The following OVCH1 variants were observed in gnomAD, a reference collection of about 807,000 sequenced individuals.
OVCH1 encodes the protein ovochymase 1.
OVCH1 carries 139 observed loss-of-function variants against 138.4 expected under a neutral mutation model. The ratio of observed to expected loss-of-function variants is 1.00; its 90% CI spans 0.87 to 1.16. The LOEUF (loss-of-function observed/expected upper bound fraction) is 1.16. Among genes scored for constraint, OVCH1 ranks in the 50% most tolerant of loss-of-function variants. OVCH1 has a pLI of 0.00. For synonymous variants in OVCH1, 453 were observed against 467.8 expected, an observed-to-expected ratio of 0.97 and a Z score of 0.41; for missense variants, 1,367 against 1,357.9, an observed-to-expected ratio of 1.01 and a Z score of -0.11.
intron 8 of OVCH1, among the ~76,000 whole-genome samples, chr12:29,481,076 C>G (rs1942916427): frequency 6.6e-6 from 1 of 151,852 alleles, no homozygotes; most frequent in Admixed American, 6.6e-5. Context: ...GAATTTTCTG[C>G]TTGACATGTT....
chr12:29,445,350 G>A (rs377100698), exon 23 of OVCH1: 611 of 1,611,222 alleles, frequency 3.8e-4, no homozygotes, highest in Non-Finnish European at 4.6e-4. Context: ...ACCCTCACCA[G>A]CGGTCCAGGA....
At chr12:29,482,765 C>A (rs969348633) in intron 8 of OVCH1, among the ~76,000 whole-genome samples, 1 of 152,188 alleles carries the variant, frequency 6.6e-6, no homozygotes, top group African/African-American at 2.4e-5. Context: ...CCCTTCTTCT[C>A]TTGAAACTTT....
At chr12:29,448,349 GATA>G (rs982509633) in intron 22 of OVCH1, among the ~76,000 whole-genome samples, 9 of 151,584 alleles carry the variant, frequency 5.9e-5, no homozygotes, top group African/African-American at 1.7e-4. Context: ...TGTGTTAGAA[GATA>G]ATAAGTGCTC....
At chr12:29,439,575 C>CA (rs1416790340) in intron 25 of OVCH1, 3 of 1,111,788 alleles carry the variant, frequency 2.7e-6, no homozygotes, top group Non-Finnish European at 3.5e-6. Context: ...CTTTACCTCT[C>CA]ACACCAGATG....
At chr12:29,475,737 G>A (rs1266150461) in intron 13 of OVCH1, among the ~76,000 whole-genome samples, 2 of 152,128 alleles carry the variant, frequency 1.3e-5, no homozygotes, top group East Asian at 3.9e-4. Context: ...GTGGTTAGAG[G>A]GCTGGAAGTT....
chr12:29,488,409 G>A (rs896470710), intron 6 of OVCH1, among the ~76,000 whole-genome samples: 7 of 151,892 alleles, frequency 4.6e-5, no homozygotes, highest in Non-Finnish European at 7.4e-5. Flanking sequence ...CTGAGGTCAC[G>A]AGTTCGAGAC....
At chr12:29,405,021 C>CAAAAAA in the OVCH1 span, among the ~76,000 whole-genome samples, 47 of 80,398 alleles carry the variant, frequency 5.8e-4, no homozygotes, top group African/African-American at 1.5e-3. Flanking sequence ...CACTCCACCT[C>CAAAAAA]AAAAAAAAAA....
intron 3 of OVCH1, among the ~76,000 whole-genome samples, chr12:29,495,699 CTTT>C (rs150767764): frequency 0.012 from 1,759 of 152,044 alleles, 32 homozygotes; most frequent in African/African-American, 0.04. Flanking sequence ...TCCTTTTCTT[CTTT>C]GATATACAAA....
intron 12 of OVCH1, 92 bp from the exon 13 acceptor site, chr12:29,476,391 T>A: frequency 9.7e-7 from 1 of 1,027,068 alleles, no homozygotes; most frequent in South Asian, 1.3e-5. Flanking sequence ...AGGCTCTTTG[T>A]CACATCCTCA....
In OVCH1 at chr12:29,484,630, A is replaced by C. The variant is rs183559510; in HGVS notation, c.995+1616T>G. On this transcript the variant is annotated intron_variant, in intron 8 of 27. Transcript: ENST00000318184. ...CGTAGGGAGACCTTGTCTCAAAAAA[A>C]AATTGCTGAAGTAGAGTGTTTTAAA... Among the ~76,000 whole-genome samples the C allele has an allele frequency of 5.9e-5, 9 of 152,282 alleles. No homozygotes were observed. The East Asian group carries it at 1.7e-3, about 29-fold the overall frequency.
chr12:29,476,564 C>T (rs1231285486), intron 12 of OVCH1, among the ~76,000 whole-genome samples: 2 of 152,120 alleles, frequency 1.3e-5, no homozygotes, highest in Non-Finnish European at 2.9e-5. Flanking sequence ...TTCATGGCAC[C>T]ATGGCTGGCA....
At chr12:29,464,773 G>T in intron 17 of OVCH1, 71 bp from the exon 18 acceptor site, 2 of 1,343,262 alleles carry the variant, frequency 1.5e-6, no homozygotes, top group Non-Finnish European at 2.1e-6. Context: ...CTTGTTGATG[G>T]TCCAAAATAA....
At chr12:29,485,365 T>A (rs1592108212) in intron 8 of OVCH1, among the ~76,000 whole-genome samples, 1 of 140,436 alleles carries the variant, frequency 7.1e-6, no homozygotes, top group Admixed American at 7.1e-5. Context: ...CTGGGTGCAG[T>A]GGTTCACGCC....
intron 7 of OVCH1, among the ~76,000 whole-genome samples, 152 bp from the exon 8 acceptor site, chr12:29,486,500 A>AT (rs1943112036): frequency 6.6e-6 from 1 of 152,226 alleles, no homozygotes; most frequent in Non-Finnish European, 1.5e-5. Context: ...GTAACCCACT[A>AT]TGTCTTTTAA....
exon 21 of OVCH1, chr12:29,454,853 C>T (rs780541638): frequency 3.7e-6 from 6 of 1,608,778 alleles, no homozygotes; most frequent in Non-Finnish European, 5.1e-6. Flanking sequence ...GGCCAAGATG[C>T]ACTGTCTGGT....
Position 29,478,906 on chromosome 12 carries a change from A to T in OVCH1, c.998T>A (p.Leu333Ter), listed in dbSNP as rs1196067536. The T allele has an allele frequency of 2.5e-6, 4 of 1,581,114 alleles. No homozygotes were observed. In the East Asian group the frequency reaches 6.9e-5, roughly 27 times the overall value. Residue 333 changes from leucine to a stop codon, truncating the protein, a stop_gained and splice_region_variant, in exon 9 of 28, where the codon TTA (leucine) becomes TAA (stop). Coordinates refer to ENST00000318184, the Ensembl canonical transcript of OVCH1. LOFTEE classifies it high-confidence loss of function. ...ACATCCAACTTGCTTTTCCATGTCTAAACTTGTAAATTTTATCAGGATTAT... is the reference window on the plus strand; with the variant it reads ...ACATCCAACTTGCTTTTCCATGTCTTAACTTGTAAATTTTATCAGGATTAT...
chr12:29,465,270 G>A, intron 16 of OVCH1, 51 bp from the exon 17 acceptor site: 1 of 1,469,574 alleles, frequency 6.8e-7, no homozygotes, highest in Non-Finnish European at 9.3e-7. Context: ...ATTTGTATTA[G>A]TTTGTTCTCA....
At position 29,464,567 on chromosome 12, in the gene OVCH1, C is replaced by T. The variant is rs771819253; in HGVS notation, c.2065G>A (p.Ala689Thr). 22 of 1,613,480 alleles carry T rather than the reference C, an allele frequency of 1.4e-5. No homozygotes were observed. In the South Asian group the frequency reaches 1.6e-4, roughly 12 times the overall value. ...ATCTCCGAGGAAAATAGAGGCTCTG[C>T]GCTGTGTGGGAGACATACTGGCCTC... is the stretch of plus-strand genomic sequence containing the variant. Residue 689 changes from alanine (A) to threonine (T), a missense_variant, in exon 18 of 28, where the codon GCA becomes ACA. Transcript: ENST00000318184.
chr12:29,429,403 T>G (rs1941231559), intron 27 of OVCH1, among the ~76,000 whole-genome samples: 1 of 152,212 alleles, frequency 6.6e-6, no homozygotes, highest in Non-Finnish European at 1.5e-5. Flanking sequence ...GCTATAGGAT[T>G]CTAATGAAGG....
Sources: allele counts gnomAD v4.1 joint callset (sites outside exome capture counted in the v4.1 genomes callset), GRCh38; gene constraint gnomAD v4.1.1; transcripts MANE v1.5; gene names NCBI Gene and HGNC (gene_info 2026-07-23, HGNC 2026-07-21).